The following BCAT1 variants were observed in gnomAD, a reference collection of about 807,000 sequenced individuals.
BCAT1 encodes the protein branched-chain-amino-acid aminotransferase, cytosolic.
A neutral mutation model predicts 52.4 loss-of-function variants in BCAT1; 48 were observed. The observed-to-expected ratio is 0.92, with a 90% confidence interval of 0.73 to 1.16. The LOEUF (loss-of-function observed/expected upper bound fraction) is 1.16, where lower values mean the gene tolerates loss of function less well. Ranked by LOEUF, BCAT1 falls within the 50% of genes most tolerant of loss-of-function variation. The probability of loss-of-function intolerance (pLI) is 0.00; values close to 1 mark genes in which losing one functional copy is unlikely to be tolerated. For missense variants in BCAT1, 451 were observed against 457.1 expected (o/e 0.99, Z 0.12); for synonymous variants, 167 against 161.3 (o/e 1.04, Z -0.27).
rs528027329 is a variant in BCAT1, at chr12:24,861,712, C to G, written c.511-11763G>C. ...ACTATTTAAACCAGAGCAACTCCAT[C>G]TTGAATAGGGGATAGATAAAATGAG... On this transcript the variant is annotated intron_variant, in intron 5 of 10. Transcript: ENST00000261192. Among the ~76,000 whole-genome samples the G allele has an allele frequency of 3.7e-4, 57 of 152,300 alleles. 1 individual carries two copies. In the South Asian group the frequency reaches 5.0e-3, roughly 13 times the overall value.
rs1939711907 is a variant in BCAT1 at position 24,812,250 on chromosome 12, T to TCAA, written c.*5755_*5757dup. The TCAA allele has an allele frequency of 6.6e-6, 1 of 152,044 alleles. No individual in the cohort carries two copies. The highest frequency in any genetic ancestry group is 1.5e-5 in the Non-Finnish European group (1 of 67,920). The allele number at this position is 152,044 out of a possible 1,614,324, so 9.4% of individuals were successfully genotyped here. On this transcript the variant is annotated 3_prime_UTR_variant, in exon 11 of 11. Transcript: ENST00000261192. Reference sequence around the variant, plus strand: ...GCACATTTTAGTTAAAAACTAATAGTCAACCAATTTCCAATTCAGTAAACC... The same window carrying TCAA: ...GCACATTTTAGTTAAAAACTAATAGTCAACAACCAATTTCCAATTCAGTAAACC...
chr12:24,869,128 A>G (rs1942108929), intron 5 of BCAT1, among the ~76,000 whole-genome samples: 1 of 152,218 alleles, frequency 6.6e-6, no homozygotes, highest in Admixed American at 6.5e-5. Context: ...AGAATGAGGA[A>G]AGTTAATAAG....
At chr12:24,843,693 A>T (rs932092145) in intron 6 of BCAT1, among the ~76,000 whole-genome samples, 4 of 152,120 alleles carry the variant, frequency 2.6e-5, no homozygotes, top group Non-Finnish European at 5.9e-5. Context: ...ATAAAAACAT[A>T]GTCTTTCTAT....
At chr12:24,916,917 C>A (rs1276099311) in intron 1 of BCAT1, among the ~76,000 whole-genome samples, 1 of 152,142 alleles carries the variant, frequency 6.6e-6, no homozygotes, top group Non-Finnish European at 1.5e-5. Context: ...TTTCCAAATT[C>A]TGAAGAATTC....
intron 1 of BCAT1, among the ~76,000 whole-genome samples, chr12:24,913,902 T>G (rs1327518521): frequency 1.3e-5 from 2 of 151,986 alleles, no homozygotes; most frequent in African/African-American, 4.8e-5. Flanking sequence ...GTGGTGGAAG[T>G]TAGAGTACTA....
chr12:24,910,528 A>G (rs1293528574), intron 1 of BCAT1, among the ~76,000 whole-genome samples: 1 of 152,188 alleles, frequency 6.6e-6, no homozygotes, highest in African/African-American at 2.4e-5. Flanking sequence ...TTATTTAAAA[A>G]CCTAATAATA....
At chr12:24,906,087 A>T (rs977885787) in intron 1 of BCAT1, among the ~76,000 whole-genome samples, 1 of 151,606 alleles carries the variant, frequency 6.6e-6, no homozygotes, top group African/African-American at 2.4e-5. Context: ...TACTCACGGG[A>T]TTAAGGTGAG....
intron 5 of BCAT1, among the ~76,000 whole-genome samples, chr12:24,862,387 C>T (rs1941869831): frequency 6.6e-6 from 1 of 152,152 alleles, no homozygotes; most frequent in Admixed American, 6.5e-5. Context: ...CTGACACTGC[C>T]CCTCCCTTTT....
chr12:24,813,631 TAAAG>T lies in BCAT1; in HGVS notation c.*4373_*4376del, dbSNP rs1368429107. The T allele has an allele frequency of 1.3e-5, 2 of 152,010 alleles. No individual in the cohort carries two copies. Among genetic ancestry groups the T allele is most frequent in the Non-Finnish European group, 2.9e-5 (2 of 67,924 alleles). 9.4% of individuals were successfully genotyped at this position (152,010 alleles called of 1,614,324 possible). Reference sequence around the variant, plus strand: ...CATGTACTAGGTTGGTAGTAAATAGTAAAGAAAGAGAAGGTAATTCACACCAGAT... The same window carrying T: ...CATGTACTAGGTTGGTAGTAAATAGTAAAGAGAAGGTAATTCACACCAGAT... On this transcript the variant is annotated 3_prime_UTR_variant, in exon 11 of 11. Transcript: ENST00000261192.
At chr12:24,884,500 C>T (rs1942600069) in intron 3 of BCAT1, among the ~76,000 whole-genome samples, 1 of 152,068 alleles carries the variant, frequency 6.6e-6, no homozygotes, top group South Asian at 2.1e-4. Context: ...ATGTTCTCAC[C>T]ACAAGAAATG....
chr12:24,924,623 C>A (rs1270013619), intron 1 of BCAT1, among the ~76,000 whole-genome samples: 1 of 151,820 alleles, frequency 6.6e-6, no homozygotes, highest in East Asian at 1.9e-4. Flanking sequence ...TGTGAAATAG[C>A]CAATGAGCCT....
chr12:24,874,221 G>A (rs1251434455), intron 5 of BCAT1, among the ~76,000 whole-genome samples: 1 of 152,146 alleles, frequency 6.6e-6, no homozygotes, highest in Non-Finnish European at 1.5e-5. Context: ...GGCTGAGGCA[G>A]GAGAATCACT....
rs567787768 is a variant in BCAT1, at chr12:24,929,776, T to C, written c.6+19151A>G. Among the ~76,000 whole-genome samples the C allele has an allele frequency of 7.9e-5, 12 of 152,296 alleles. No homozygotes were observed. In the South Asian group the frequency reaches 2.5e-3, roughly 32 times the overall value. On this transcript the variant is annotated intron_variant, in intron 1 of 10. Coordinates refer to ENST00000261192, the MANE Select transcript of BCAT1 (RefSeq NM_005504.7). The stretch of plus-strand genomic sequence containing the variant: ...AATAAGCCCCAAGCCCTGATTCCTT[T>C]TCTGTAGCTCAGGAATACTATATAA...
At chr12:24,930,676 C>G (rs1453679643) in intron 1 of BCAT1, among the ~76,000 whole-genome samples, 1 of 152,178 alleles carries the variant, frequency 6.6e-6, no homozygotes, top group Non-Finnish European at 1.5e-5. Flanking sequence ...CCAAGCTCTC[C>G]TTGCTTGGCT....
intron 5 of BCAT1, among the ~76,000 whole-genome samples, chr12:24,860,096 G>A (rs1241726170): frequency 6.6e-6 from 1 of 152,172 alleles, no homozygotes; most frequent in Non-Finnish European, 1.5e-5. Context: ...GCTTTCCTAA[G>A]ACTTTATGTT....
chr12:24,917,447 G>A (rs1400942830), intron 1 of BCAT1, among the ~76,000 whole-genome samples: 1 of 152,168 alleles, frequency 6.6e-6, no homozygotes, highest in Non-Finnish European at 1.5e-5. Flanking sequence ...CTCCCAAAGT[G>A]CTGGGATTAC....
intron 10 of BCAT1, among the ~76,000 whole-genome samples, chr12:24,819,174 C>T (rs921408467): frequency 7.2e-5 from 11 of 152,092 alleles, no homozygotes; most frequent in African/African-American, 2.4e-4. Context: ...CAAGACTGCT[C>T]GCCATGTGTT....
At chr12:24,930,873 T>C (rs1000059275) in intron 1 of BCAT1, among the ~76,000 whole-genome samples, 2 of 150,686 alleles carry the variant, frequency 1.3e-5, no homozygotes, top group African/African-American at 4.9e-5. Flanking sequence ...TGCTCCGCAC[T>C]GAAGCCTCAG....
chr12:24,924,192 T>C (rs2139727631), intron 1 of BCAT1, among the ~76,000 whole-genome samples: 1 of 152,348 alleles, frequency 6.6e-6, no homozygotes, highest in East Asian at 1.9e-4. Flanking sequence ...CTTTGAGTAA[T>C]TCTTAGTAAC....
Sources: allele counts gnomAD v4.1 joint callset (sites outside exome capture counted in the v4.1 genomes callset), GRCh38; gene constraint gnomAD v4.1.1; transcripts MANE v1.5; gene names NCBI Gene and HGNC (gene_info 2026-07-23, HGNC 2026-07-21).